CORO6: variants seen among roughly 807,000 people sequenced by gnomAD.
The protein encoded by CORO6 is coronin 6.
In CORO6, 43 loss-of-function variants were observed where a neutral mutation model predicts 49.0. The ratio of observed to expected loss-of-function variants is 0.88; its 90% CI spans 0.69 to 1.13. The LOEUF is 1.13. Ranked by LOEUF, CORO6 falls within the 50% of genes most tolerant of loss-of-function variation. The probability of loss-of-function intolerance (pLI) is 0.00; values close to 1 mark genes in which losing one functional copy is unlikely to be tolerated. For missense variants in CORO6, 650 were observed against 647.0 expected (o/e 1.00, Z -0.05); for synonymous variants, 233 against 256.5 (o/e 0.91, Z 0.88).
At position 29,622,640 on chromosome 17, in the gene CORO6, G is replaced by T. The variant is rs566990899; in HGVS notation, c.-64+48C>A. The stretch of plus-strand genomic sequence containing the variant: ...CAGACCTCTGCCCCTCAGGGACCCC[G>T]CCCGCTCCGCTGGCTGCGGTGACGG... On this transcript the variant is annotated intron_variant, in intron 1 of 10. Coordinates refer to ENST00000388767, the MANE Select transcript of CORO6 (RefSeq NM_032854.4). 8 of 1,103,078 alleles carry T rather than the reference G, an allele frequency of 7.3e-6. No homozygotes were observed. The African/African-American group carries it at 1.0e-4, about 14-fold the overall frequency. 68.3% of individuals were successfully genotyped at this position (1,103,078 alleles called of 1,614,324 possible). A position where few individuals can be genotyped will look rare whatever the true frequency, so the allele number is the denominator to read the frequency against.
Position 29,616,575 on chromosome 17 carries a change from G to A in CORO6, c.1004+127C>T, listed in dbSNP as rs1598632270. 2.3e-6 allele frequency: 3 copies of A among 1,285,216 alleles called. No homozygotes were observed. The highest frequency in any genetic ancestry group is 4.7e-5 in the East Asian group (2 of 42,956). The allele number at this position is 1,285,216 out of a possible 1,614,324, so 79.6% of individuals were successfully genotyped here. On this transcript the variant is annotated intron_variant, in intron 8 of 10. Coordinates refer to ENST00000388767, the MANE Select transcript of CORO6 (RefSeq NM_032854.4). This position sits in a 1 kb window ranked among gnomAD's most constrained non-coding sequence, Gnocchi z 5.6. Reference sequence around the variant, plus strand: ...GAGCGGTGGGTCTGGCACTGAAACAGAGCTGTCTTATCCCCCCGCCCCGCT... The same window carrying A: ...GAGCGGTGGGTCTGGCACTGAAACAAAGCTGTCTTATCCCCCCGCCCCGCT...
chr17:29,618,582 A>C, intron 5 of CORO6: 2 of 1,399,236 alleles, frequency 1.4e-6, no homozygotes, highest in Non-Finnish European at 9.3e-7. Context: ...AGGGGAGGGA[A>C]CAGGAGCCGG....
chr17:29,615,589 G>A lies in CORO6; in HGVS notation c.*143C>T, dbSNP rs1437229590. On this transcript the variant is annotated 3_prime_UTR_variant, in exon 11 of 11. Transcript: ENST00000388767. Reference sequence around the variant, plus strand: ...TCTCCCCTAAGCTCCAAGAGTTCTGGTCTCCCGCGAGGGGCGGAGTTCCCT... The same window carrying A: ...TCTCCCCTAAGCTCCAAGAGTTCTGATCTCCCGCGAGGGGCGGAGTTCCCT... The A allele has an allele frequency of 2.2e-6, 2 of 890,282 alleles. No homozygotes were observed. Among genetic ancestry groups the A allele is most frequent in the Middle Eastern group, 3.5e-4 (1 of 2,820 alleles). The allele number at this position is 890,282 out of a possible 1,614,324, so 55.1% of individuals were successfully genotyped here. A position where few individuals can be genotyped will look rare whatever the true frequency, so the allele number is the denominator to read the frequency against.
chr17:29,618,254 C>T, intron 5 of CORO6: 1 of 1,306,504 alleles, frequency 7.7e-7, no homozygotes, highest in Non-Finnish European at 9.7e-7. Flanking sequence ...ATGCACGCGG[C>T]CCACGCACCC....
rs774271748 is a variant in CORO6, at chr17:29,616,130, C to T, written c.1108G>A (p.Glu370Lys). 1.2e-6 allele frequency: 2 copies of T among 1,613,436 alleles called. No individual in the cohort carries two copies. The highest frequency in any genetic ancestry group is 2.2e-5 in the South Asian group (2 of 91,082). ...DDLYPDTPGP[E>K]PALEADEWLS... ...CATTCGTCCGCTTCTAGGGCCGGCTCCGGGCCTGGCGTATCCGGGTACAGA... is the reference window on the plus strand; with the variant it reads ...CATTCGTCCGCTTCTAGGGCCGGCTTCGGGCCTGGCGTATCCGGGTACAGA... Residue 370 changes from glutamate (E) to lysine (K), a missense_variant, in exon 10 of 11, where the codon GAG (glutamate) becomes AAG (lysine). Coordinates refer to ENST00000388767, the MANE Select transcript of CORO6 (RefSeq NM_032854.4). This position sits in a 1 kb window ranked among gnomAD's most constrained non-coding sequence, Gnocchi z 5.6.
chr17:29,619,459 T>C (rs2035194734), intron 3 of CORO6, among the ~76,000 whole-genome samples, 192 bp downstream of exon 3: 1 of 152,084 alleles, frequency 6.6e-6, no homozygotes, highest in Non-Finnish European at 1.5e-5. Flanking sequence ...GCCATGGCTA[T>C]AATTAGTCCT....
intron 6 of CORO6, 162 bp from the exon 7 acceptor site, chr17:29,617,204 C>A (rs771896033): frequency 7.2e-6 from 11 of 1,538,314 alleles, no homozygotes; most frequent in Middle Eastern, 1.7e-4. Flanking sequence ...CTCTCCTCCT[C>A]CCCTGCGCAC....
chr17:29,618,362 C>T, intron 5 of CORO6: 1 of 1,284,866 alleles, frequency 7.8e-7, no homozygotes, highest in Non-Finnish European at 9.8e-7. Context: ...CCCCATCCCC[C>T]GCCCAGCGGG....
chr17:29,616,321 G>C lies in CORO6; in HGVS notation c.1020C>G (p.His340Gln), dbSNP rs765437209. ...TGATGATAGGTTCACACTTTCTTTC[G>C]TGTAGCTTGTAGAACCTATAAGGGA... Reference protein sequence around the residue: ...KCEIARFYKLHERKCEPIIMT... With the variant: ...KCEIARFYKLQERKCEPIIMT... The change falls in exon 9 of 11, where the codon CAC becomes CAG. Residue 340 changes from histidine (H) to glutamine (Q), a missense_variant. Coordinates refer to ENST00000388767, the MANE Select transcript of CORO6 (RefSeq NM_032854.4). The surrounding 1 kb of genome is among the most constrained non-coding windows in gnomAD (Gnocchi z 5.6). 8 of 1,607,280 alleles carry C rather than the reference G, an allele frequency of 5.0e-6. No individual in the cohort carries two copies. In the South Asian group the frequency reaches 7.8e-5, roughly 16 times the overall value.
intron 6 of CORO6, chr17:29,617,262 T>A (rs764962142): frequency 6.5e-7 from 1 of 1,535,104 alleles, no homozygotes; most frequent in South Asian, 1.2e-5. Context: ...CCGCATGCAG[T>A]CACAGCAAAC....
rs760321729 is a variant in CORO6, at chr17:29,615,880, C to A, written c.1294-23G>T. Reference sequence around the variant, plus strand: ...CTGCTGGGGCGGAGGACAGAGAGGCCGTGTCGTATAGGGGCGGTTGGGGGA... The same window carrying A: ...CTGCTGGGGCGGAGGACAGAGAGGCAGTGTCGTATAGGGGCGGTTGGGGGA... On this transcript the variant is annotated intron_variant, in intron 10 of 10. Coordinates refer to ENST00000388767, the MANE Select transcript of CORO6 (RefSeq NM_032854.4). The A allele has an allele frequency of 8.1e-6, 13 of 1,595,946 alleles. No homozygotes were observed. In the South Asian group the frequency reaches 1.5e-4, roughly 18 times the overall value.
intron 5 of CORO6, chr17:29,618,215 C>A (rs552065381): frequency 2.9e-5 from 38 of 1,323,724 alleles, no homozygotes; most frequent in African/African-American, 2.8e-4. Context: ...CAGCCCCGAC[C>A]GCTCTCGGCG....
At chr17:29,622,303 G>A (rs1216648470) in intron 1 of CORO6, 4 of 154,762 alleles carry the variant, frequency 2.6e-5, no homozygotes, top group African/African-American at 4.8e-5. Flanking sequence ...GATTTGCAGG[G>A]GTGGGGAGGG....
chr17:29,617,535 G>A lies in CORO6; in HGVS notation c.718C>T (p.Arg240Cys). The A allele has an allele frequency of 6.2e-7, 1 of 1,611,170 alleles. No individual in the cohort carries two copies. The highest frequency in any genetic ancestry group is 1.1e-5 in the South Asian group (1 of 91,044). The stretch of plus-strand genomic sequence containing the variant: ...AGGCCCAGCTCTCGCTGGCTCATGC[G>A]GGTGAAGCCCGTGGTGAAGATATGG... ...QGHIFTTGFT[R>C]MSQRELGLWD... Residue 240 changes from arginine to cysteine, a missense_variant, in exon 6 of 11, where the codon CGC becomes TGC. By Grantham distance (180) the Arg-to-Cys change is radical. Transcript: ENST00000388767.
In CORO6 at chr17:29,616,198, GGACTTGCGTGA is replaced by G; in HGVS notation, c.1063-34_1063-24del. 1 of 1,610,920 alleles carries G rather than the reference GGACTTGCGTGA, an allele frequency of 6.2e-7. No individual in the cohort carries two copies. Among genetic ancestry groups the G allele is most frequent in the Non-Finnish European group, 8.5e-7 (1 of 1,177,926 alleles). ...TGACTGCGGGGGTGGGTGGACAGGA[GGACTTGCGTGA>G]GAGGGTGCGGGGCTTGCTCCGCTCC... On this transcript the variant is annotated intron_variant, in intron 9 of 10. Transcript: ENST00000388767. This position sits in a 1 kb window ranked among gnomAD's most constrained non-coding sequence, Gnocchi z 5.6.
Position 29,615,812 on chromosome 17 carries a change from G to A in CORO6, c.1339C>T (p.Arg447Cys). 1 of 1,574,134 alleles carries A rather than the reference G, an allele frequency of 6.4e-7. No homozygotes were observed. The highest frequency in any genetic ancestry group is 8.6e-7 in the Non-Finnish European group (1 of 1,161,112). The change falls in exon 11 of 11, where the codon CGC becomes TGC. Residue 447 changes from arginine to cysteine, a missense_variant. Arg to Cys is a radical substitution (Grantham distance 180). Coordinates refer to ENST00000388767, the MANE Select transcript of CORO6 (RefSeq NM_032854.4). ...ETLLEEIKAL[R>C]ERVQAQEQRI... ...TGCTCCTGGGCCTGCACCCGCTCGC[G>A]GAGGGCCTTGATCTCTTCCAGCAGC...
chr17:29,618,261 A>T (rs2035108184), intron 5 of CORO6: 1 of 1,304,110 alleles, frequency 7.7e-7, no homozygotes, highest in South Asian at 2.2e-5. Flanking sequence ...CGGCCCACGC[A>T]CCCGCACCCC....
intron 2 of CORO6, among the ~76,000 whole-genome samples, chr17:29,620,410 G>A (rs2035248977): frequency 6.6e-6 from 1 of 152,218 alleles, no homozygotes; most frequent in Admixed American, 6.5e-5. Context: ...AGACATATTG[G>A]GGGAGGAGGC....
chr17:29,618,514 T>A (rs575479156), intron 5 of CORO6: 2 of 1,320,642 alleles, frequency 1.5e-6, no homozygotes, highest in Non-Finnish European at 1.9e-6. Flanking sequence ...GTTTCCAGCT[T>A]CTCCCCTCCT....
Sources: allele counts gnomAD v4.1 joint callset (sites outside exome capture counted in the v4.1 genomes callset), GRCh38; gene constraint gnomAD v4.1.1; non-coding constraint Gnocchi (gnomAD v3.1); transcripts MANE v1.5; gene names NCBI Gene and HGNC (gene_info 2026-07-23, HGNC 2026-07-21).